The following HAPLN1 variants were observed in gnomAD, a reference collection of about 807,000 sequenced individuals.
The protein encoded by HAPLN1 is Cartilage link protein.
Under a neutral mutation model 36.5 loss-of-function variants are expected in HAPLN1, and 13 were observed. That is an observed-to-expected ratio of 0.36 (90% CI 0.23 to 0.57). The LOEUF is 0.57. Among genes scored for constraint, HAPLN1 ranks in the 20% least tolerant of loss-of-function variants. HAPLN1 has a pLI of 0.83. For missense variants in HAPLN1, 407 were observed against 439.7 expected (o/e 0.93, Z 0.66); for synonymous variants, 202 against 169.8 (o/e 1.19, Z -1.48).
intron 1 of HAPLN1, among the ~76,000 whole-genome samples, chr5:83,715,366 G>A (rs74814588): frequency 0.025 from 3,786 of 152,222 alleles, 82 homozygotes; most frequent in Non-Finnish European, 0.039. Flanking sequence ...GAGAGCAGGA[G>A]TCTCGGTTTA....
intron 2 of HAPLN1, among the ~76,000 whole-genome samples, chr5:83,667,987 G>T (rs1335620227): frequency 1.3e-5 from 2 of 152,168 alleles, no homozygotes; most frequent in African/African-American, 4.8e-5. Flanking sequence ...TTCATCTGCT[G>T]CTTCTCATTC....
At chr5:83,696,077 G>A (rs534216740) in intron 1 of HAPLN1, among the ~76,000 whole-genome samples, 4 of 152,068 alleles carry the variant, frequency 2.6e-5, no homozygotes, top group Non-Finnish European at 5.9e-5. Flanking sequence ...TTTAAAAGTT[G>A]CTGGATATAT....
At chr5:83,654,747 C>T (rs372276463) in intron 2 of HAPLN1, among the ~76,000 whole-genome samples, 59 of 152,326 alleles carry the variant, frequency 3.9e-4, no homozygotes, top group African/African-American at 1.4e-3. Flanking sequence ...CCTAAATGCA[C>T]TGGCATAGAG....
At chr5:83,710,143 C>T (rs60631271) in intron 1 of HAPLN1, among the ~76,000 whole-genome samples, 4 of 152,030 alleles carry the variant, frequency 2.6e-5, no homozygotes, top group Non-Finnish European at 5.9e-5. Context: ...ATGTGGGAGT[C>T]GCCAGCACAT....
chr5:83,686,810 G>A (rs570778907), intron 1 of HAPLN1, among the ~76,000 whole-genome samples: 34 of 152,258 alleles, frequency 2.2e-4, no homozygotes, highest in African/African-American at 7.9e-4. Flanking sequence ...GGTGCAAAGT[G>A]ACAGAAAACA....
Position 83,640,510 on chromosome 5 carries a change from G to A in HAPLN1, c.*986C>T, listed in dbSNP as rs1002088204. On this transcript the variant is annotated 3_prime_UTR_variant, in exon 5 of 5. Transcript: ENST00000274341. ...GTTGCATCTTTGTTTCTGCATTAGGGATTCCTTTTATAATGTAATTGATTT... is the reference window on the plus strand; with the variant it reads ...GTTGCATCTTTGTTTCTGCATTAGGAATTCCTTTTATAATGTAATTGATTT... 5 of 152,022 alleles carry A rather than the reference G, an allele frequency of 3.3e-5. No homozygotes were observed. Among genetic ancestry groups the A allele is most frequent in the Non-Finnish European group, 7.4e-5 (5 of 67,990 alleles). 9.4% of individuals were successfully genotyped at this position (152,022 alleles called of 1,614,324 possible).
At chr5:83,702,420 G>T (rs1028359048) in intron 1 of HAPLN1, among the ~76,000 whole-genome samples, 1 of 152,144 alleles carries the variant, frequency 6.6e-6, no homozygotes, top group Admixed American at 6.5e-5. Flanking sequence ...ATTTTGTCTT[G>T]TTAGCAATAA....
At chr5:83,659,567 A>T (rs1750323442) in intron 2 of HAPLN1, among the ~76,000 whole-genome samples, 1 of 152,156 alleles carries the variant, frequency 6.6e-6, no homozygotes, top group African/African-American at 2.4e-5. Flanking sequence ...TGTACCACCC[A>T]TGCATAAACT....
intron 2 of HAPLN1, among the ~76,000 whole-genome samples, chr5:83,664,049 T>C (rs1449628549): frequency 6.6e-6 from 1 of 152,180 alleles, no homozygotes; most frequent in Non-Finnish European, 1.5e-5. Context: ...AAGTCTGAAC[T>C]CTGAACTCTG....
chr5:83,655,705 C>A (rs1259530944), intron 2 of HAPLN1, among the ~76,000 whole-genome samples: 1 of 152,142 alleles, frequency 6.6e-6, no homozygotes, highest in East Asian at 1.9e-4. Flanking sequence ...TTTAGAAGAT[C>A]TACACTTCAG....
At chr5:83,702,824 G>A (rs980323730) in intron 1 of HAPLN1, among the ~76,000 whole-genome samples, 3 of 151,824 alleles carry the variant, frequency 2.0e-5, no homozygotes, top group African/African-American at 7.3e-5. Context: ...TGAAGACTCC[G>A]CCTCAACCTC....
At chr5:83,674,898 TG>T (rs1227993576) in intron 1 of HAPLN1, 1 of 152,254 alleles carries the variant, frequency 6.6e-6, no homozygotes, top group Non-Finnish European at 1.5e-5. Context: ...GTGATGCTGA[TG>T]GCTTTAGTCT....
intron 1 of HAPLN1, among the ~76,000 whole-genome samples, chr5:83,710,297 G>A (rs1367711435): frequency 2.6e-5 from 4 of 152,324 alleles, no homozygotes; most frequent in Non-Finnish European, 4.4e-5. Flanking sequence ...CTGAAATGGA[G>A]ACTGAGATAG....
At chr5:83,648,426 TA>T (rs2112560651) in intron 3 of HAPLN1, among the ~76,000 whole-genome samples, 1 of 120,464 alleles carries the variant, frequency 8.3e-6, no homozygotes, top group African/African-American at 3.1e-5. Flanking sequence ...TATATATATA[TA>T]TATATATATA....
chr5:83,664,058 T>C (rs1438942426), intron 2 of HAPLN1, among the ~76,000 whole-genome samples: 1 of 152,224 alleles, frequency 6.6e-6, no homozygotes, highest in Non-Finnish European at 1.5e-5. Flanking sequence ...CTCTGAACTC[T>C]GGACCACTTA....
intron 1 of HAPLN1, among the ~76,000 whole-genome samples, chr5:83,697,003 C>T (rs1295745705): frequency 1.3e-5 from 2 of 152,042 alleles, no homozygotes; most frequent in Admixed American, 1.3e-4. Flanking sequence ...AGAACATTTC[C>T]ATCACCCGTA....
At chr5:83,648,175 T>G (rs999122912) in intron 3 of HAPLN1, among the ~76,000 whole-genome samples, 1 of 151,898 alleles carries the variant, frequency 6.6e-6, no homozygotes, top group African/African-American at 2.4e-5. Flanking sequence ...GGTAGGTAAT[T>G]GGTGGCAGTC....
chr5:83,694,298 C>T (rs774988542), intron 1 of HAPLN1, among the ~76,000 whole-genome samples: 3 of 151,894 alleles, frequency 2.0e-5, no homozygotes, highest in East Asian at 1.9e-4. Flanking sequence ...TGAAGCAATA[C>T]TTAGTTTAGA....
chr5:83,716,990 C>T (rs540184841), intron 1 of HAPLN1, among the ~76,000 whole-genome samples: 6 of 152,164 alleles, frequency 3.9e-5, no homozygotes, highest in South Asian at 2.1e-4. Flanking sequence ...CAAGATCACG[C>T]CATTGTACTC....
Sources: gnomAD v4.1 joint callset for allele counts (sites outside exome capture counted in the v4.1 genomes callset) on GRCh38, gnomAD v4.1.1 for gene constraint, MANE v1.5 for transcripts, NCBI Gene and HGNC (gene_info 2026-07-23, HGNC 2026-07-21) for gene names.